Variants in MROH7 observed in about 807,000 individuals in gnomAD.
MROH7 encodes maestro heat-like repeat-containing protein family member 7.
Under a neutral mutation model 129.2 loss-of-function variants are expected in MROH7, and 113 were observed. The ratio of observed to expected loss-of-function variants is 0.87; its 90% confidence interval spans 0.75 to 1.02. The LOEUF is 1.02. MROH7 is among the 50% of genes least tolerant of loss of function. The pLI is 0.00. For missense variants in MROH7, 1,601 were observed against 1,671.3 expected (o/e 0.96, Z 0.73); for synonymous variants, 655 against 667.9 (o/e 0.98, Z 0.30).
At chr1:54,666,653 C>T (rs188696205) in intron 4 of MROH7, among the ~76,000 whole-genome samples, 2 of 151,414 alleles carry the variant, frequency 1.3e-5, no homozygotes, top group Non-Finnish European at 2.9e-5. Flanking sequence ...CATTATGTTG[C>T]CCAGGCTGGT....
chr1:54,673,336 A>T (rs889434049), intron 8 of MROH7, 150 bp downstream of exon 8: 1 of 653,148 alleles, frequency 1.5e-6, no homozygotes, highest in Non-Finnish European at 2.7e-6. Flanking sequence ...TCTGTCTCAC[A>T]GGCCCTGTCC....
intron 11 of MROH7, 40 bp downstream of exon 11, chr1:54,678,894 G>T (rs1447105642): frequency 2.0e-6 from 3 of 1,487,614 alleles, no homozygotes; most frequent in African/African-American, 1.4e-5. Flanking sequence ...AGGGTGGGGG[G>T]TGAGGAGGGG....
At chr1:54,660,451 C>A (rs552657134) in intron 3 of MROH7, among the ~76,000 whole-genome samples, 1 of 152,174 alleles carries the variant, frequency 6.6e-6, no homozygotes, top group South Asian at 2.1e-4. Flanking sequence ...AATTAATTTA[C>A]GCTTCCACAA....
intron 22 of MROH7, among the ~76,000 whole-genome samples, chr1:54,706,840 G>T (rs749181726): frequency 1.3e-5 from 2 of 152,164 alleles, no homozygotes; most frequent in African/African-American, 4.8e-5. Flanking sequence ...AGCCTAGCAG[G>T]AGCCTGGGCA....
intron 1 of MROH7, among the ~76,000 whole-genome samples, chr1:54,648,609 A>C (rs142223736): frequency 0.036 from 5,444 of 150,782 alleles, 319 homozygotes; most frequent in African/African-American, 0.13. Context: ...CAGATGATCC[A>C]CCCAGCTCGG....
At chr1:54,647,922 A>G (rs887064235) in intron 1 of MROH7, among the ~76,000 whole-genome samples, 3 of 151,614 alleles carry the variant, frequency 2.0e-5, no homozygotes, top group African/African-American at 4.8e-5. Context: ...AAAAAAAAAA[A>G]AAAAAGAATG....
chr1:54,665,189 A>G lies in MROH7; in HGVS notation c.1254A>G (p.Ser418=). The change falls in exon 4 of 24, where the codon TCA becomes TCG. Residue 418 remains serine (S), a synonymous_variant. Transcript: ENST00000421030. ...IPEGAFDEVT[S]CLVKVPEKTE... ...CAGGAGCCTTTGATGAAGTGACCTCATGCCTGGTGAAGGTGCCAGAGAAGA... is the reference window on the plus strand; with the variant it reads ...CAGGAGCCTTTGATGAAGTGACCTCGTGCCTGGTGAAGGTGCCAGAGAAGA... 3.1e-6 allele frequency: 5 copies of G among 1,613,904 alleles called. No homozygotes were observed. The highest frequency in any genetic ancestry group is 4.2e-6 in the Non-Finnish European group (5 of 1,179,912).
In MROH7 at chr1:54,654,132, C is replaced by T. The variant is rs544813421; in HGVS notation, c.1206C>T (p.Ala402=). 27 of 1,611,782 alleles carry T rather than the reference C, an allele frequency of 1.7e-5. No homozygotes were observed. The highest frequency in any genetic ancestry group is 3.3e-4 in the Middle Eastern group (2 of 6,054). Residue 402 remains alanine (A), a synonymous_variant, in exon 3 of 24, where the codon GCC becomes GCT. Transcript: ENST00000421030. ...TCTCCAACCCCGCAGGCAAGGACGCCGTGACCTTGCAAGGCATCCCTGAGG... is the reference window on the plus strand; with the variant it reads ...TCTCCAACCCCGCAGGCAAGGACGCTGTGACCTTGCAAGGCATCCCTGAGG... The part of the protein sequence containing the change: ...FPISNPAGKD[A]VTLQGIPEGA...
chr1:54,695,645 T>A, intron 17 of MROH7, 155 bp downstream of exon 17: 1 of 689,900 alleles, frequency 1.4e-6, no homozygotes, highest in Non-Finnish European at 2.7e-6. Context: ...TTGGTCTCCC[T>A]CCCTCCCCTC....
chr1:54,666,425 ATTTTTTTT>A (rs71048704), intron 4 of MROH7, among the ~76,000 whole-genome samples: 1,771 of 69,322 alleles, frequency 0.026, 49 homozygotes, highest in East Asian at 0.16. Flanking sequence ...GAGAAGAGGA[ATTTTTTTT>A]TTTTTTTTTT....
At chr1:54,643,186 C>T (rs968680209) in intron 1 of MROH7, among the ~76,000 whole-genome samples, 7 of 152,198 alleles carry the variant, frequency 4.6e-5, no homozygotes, top group Non-Finnish European at 8.8e-5. Flanking sequence ...GAGGGTGCCT[C>T]ACCCACATTT....
At chr1:54,660,364 T>G (rs1453955104) in intron 3 of MROH7, among the ~76,000 whole-genome samples, 1 of 152,218 alleles carries the variant, frequency 6.6e-6, no homozygotes, top group Non-Finnish European at 1.5e-5. Context: ...CTCTGCCTCT[T>G]AATACTATTG....
At chr1:54,667,202 T>C (rs529690623) in intron 4 of MROH7, among the ~76,000 whole-genome samples, 6 of 152,298 alleles carry the variant, frequency 3.9e-5, no homozygotes, top group African/African-American at 1.2e-4. Context: ...TCAGCCCAGG[T>C]GTTAACTCCT....
At chr1:54,666,380 G>T (rs1158029275) in intron 4 of MROH7, among the ~76,000 whole-genome samples, 1 of 151,556 alleles carries the variant, frequency 6.6e-6, no homozygotes, top group Non-Finnish European at 1.5e-5. Context: ...AAAAATGGGG[G>T]CTTGGATCCT....
rs562680693 is a variant in MROH7, at chr1:54,697,661, C to T, written c.2964+2171C>T. ...TTCACTAATCTGCACAGCAACCCTGCGAAGAAGGAATTGTGATACTCATGC... is the reference window on the plus strand; with the variant it reads ...TTCACTAATCTGCACAGCAACCCTGTGAAGAAGGAATTGTGATACTCATGC... On this transcript the variant is annotated intron_variant, in intron 17 of 23. Coordinates refer to ENST00000421030, the MANE Select transcript of MROH7 (RefSeq NM_001039464.4). The T allele has an allele frequency of 1.1e-4, 79 of 703,020 alleles. 1 individual carries two copies. Among genetic ancestry groups the T allele is most frequent in the South Asian group, 6.5e-4 (44 of 67,444 alleles). The allele number at this position is 703,020 out of a possible 1,614,324, so 43.5% of individuals were successfully genotyped here. A position where few individuals can be genotyped will look rare whatever the true frequency, so the allele number is the denominator to read the frequency against.
At chr1:54,692,813 A>G (rs553531883) in intron 16 of MROH7, among the ~76,000 whole-genome samples, 2 of 152,224 alleles carry the variant, frequency 1.3e-5, no homozygotes, top group Admixed American at 6.5e-5. Context: ...ACCATTCCTT[A>G]GTGCATTATG....
intron 13 of MROH7, among the ~76,000 whole-genome samples, chr1:54,680,415 G>A (rs894429157): frequency 6.6e-6 from 1 of 152,288 alleles, no homozygotes; most frequent in Non-Finnish European, 1.5e-5. Context: ...CTGCGTGTCC[G>A]TCCTGACTCT....
intron 18 of MROH7, among the ~76,000 whole-genome samples, chr1:54,700,915 C>T (rs929381103): frequency 6.6e-6 from 1 of 152,230 alleles, no homozygotes; most frequent in African/African-American, 2.4e-5. Flanking sequence ...AGGGGGTAGA[C>T]AGCAAAGGGC....
chr1:54,684,946 C>T (rs752017512), intron 14 of MROH7, among the ~76,000 whole-genome samples: 3 of 152,164 alleles, frequency 2.0e-5, no homozygotes, highest in Non-Finnish European at 2.9e-5. Context: ...GGGAACATGT[C>T]AGGGGTTCTT....
Sources: gnomAD v4.1 joint callset for allele counts (sites outside exome capture counted in the v4.1 genomes callset) on GRCh38, gnomAD v4.1.1 for gene constraint, MANE v1.5 for transcripts, NCBI Gene and HGNC (gene_info 2026-07-23, HGNC 2026-07-21) for gene names.